LMO7: variants seen among roughly 807,000 people sequenced by gnomAD.
LMO7 encodes the protein LIM domain 7, also known as LIM domain only protein 7.
In LMO7, 120 loss-of-function variants were observed where a neutral mutation model predicts 206.5. That is an observed-to-expected ratio of 0.58 (90% CI 0.50 to 0.68). LMO7 has a LOEUF of 0.68. Ranked by LOEUF, LMO7 falls within the 30% of genes least tolerant of loss-of-function variation. The pLI is 0.00. For synonymous variants in LMO7, 706 were observed against 681.5 expected, an observed-to-expected ratio of 1.04 and a Z score of -0.56; for missense variants, 1,959 against 1,957.9, an observed-to-expected ratio of 1.00 and a Z score of -0.01.
intron 3 of LMO7, among the ~76,000 whole-genome samples, chr13:75,745,161 A>G (rs1328592599): frequency 6.6e-6 from 1 of 152,140 alleles, no homozygotes; most frequent in East Asian, 1.9e-4. Flanking sequence ...AGGTTTCCAG[A>G]CAGAGGAACA....
chr13:75,661,525 A>G (rs758165363), intron 1 of LMO7, among the ~76,000 whole-genome samples: 4 of 150,954 alleles, frequency 2.6e-5, no homozygotes, highest in Non-Finnish European at 5.9e-5. Flanking sequence ...CAATGAGGGA[A>G]TATGGTCAGA....
intron 3 of LMO7, among the ~76,000 whole-genome samples, chr13:75,734,312 C>T (rs558528027): frequency 6.6e-6 from 1 of 152,250 alleles, no homozygotes; most frequent in South Asian, 2.1e-4. Flanking sequence ...CAATCAAATA[C>T]AAATGATGGA....
chr13:75,807,951 A>G lies in LMO7; in HGVS notation c.1668A>G (p.Lys556=). 2.5e-6 allele frequency: 4 copies of G among 1,613,914 alleles called. No individual in the cohort carries two copies. The highest frequency in any genetic ancestry group is 2.5e-6 in the Non-Finnish European group (3 of 1,179,878). Residue 556 remains lysine, a synonymous_variant, in exon 10 of 31, where the codon AAA becomes AAG. Coordinates refer to ENST00000377534, the MANE Select transcript of LMO7 (RefSeq NM_001306080.2). The part of the protein sequence containing the change: ...PWTLPPEIQA[K]FLCVLERTCP... The stretch of plus-strand genomic sequence containing the variant: ...CTCTTCCTCCAGAAATTCAAGCAAA[A>G]TTTCTCTGTGTACTTGAAAGGACAT...
chr13:75,656,612 A>G (rs927772515), intron 1 of LMO7, among the ~76,000 whole-genome samples: 7 of 152,266 alleles, frequency 4.6e-5, no homozygotes, highest in African/African-American at 1.7e-4. Context: ...CTGGGGTGCC[A>G]TGTTTAGCTT....
intron 24 of LMO7, 61 bp downstream of exon 24, chr13:75,842,044 C>A: frequency 1.6e-6 from 2 of 1,238,956 alleles, no homozygotes; most frequent in Non-Finnish European, 2.3e-6. Context: ...ACTTCAAAGG[C>A]ACCCGCTTGC....
intron 1 of LMO7, among the ~76,000 whole-genome samples, chr13:75,658,915 T>C (rs2038312390): frequency 6.6e-6 from 1 of 152,156 alleles, no homozygotes; most frequent in African/African-American, 2.4e-5. Context: ...AATTGGTTAG[T>C]GTAGAAAAAT....
chr13:75,695,392 C>T (rs546280756), intron 1 of LMO7, among the ~76,000 whole-genome samples: 2 of 152,366 alleles, frequency 1.3e-5, no homozygotes, highest in East Asian at 1.9e-4. Context: ...GACGGAGTCT[C>T]GCTCTGTCGC....
At chr13:75,738,735 A>G (rs1856098707) in intron 3 of LMO7, among the ~76,000 whole-genome samples, 1 of 152,174 alleles carries the variant, frequency 6.6e-6, no homozygotes, top group South Asian at 2.1e-4. Flanking sequence ...TCAAAACAAA[A>G]CCTTGAAAAA....
chr13:75,725,094 C>T (rs1032696650), intron 2 of LMO7, among the ~76,000 whole-genome samples: 1 of 152,112 alleles, frequency 6.6e-6, no homozygotes, highest in African/African-American at 2.4e-5. Context: ...TCTCTTACTT[C>T]CCTTGGCTGA....
At chr13:75,636,255 C>T, upstream of LMO7, 1 of 627,776 alleles carries the variant, frequency 1.6e-6, no homozygotes, top group Non-Finnish European at 1.8e-6. Flanking sequence ...CGGCGGGCCC[C>T]GGGAGGGCGG....
At chr13:75,623,411 T>G (rs2033593362) in intron 2 of LMO7, 1 of 699,180 alleles carries the variant, frequency 1.4e-6, no homozygotes, top group Non-Finnish European at 2.6e-6. Context: ...TTGCCCAGGG[T>G]GGAGTGCAGT....
chr13:75,715,118 C>G (rs918653003), intron 2 of LMO7, among the ~76,000 whole-genome samples: 5 of 152,122 alleles, frequency 3.3e-5, no homozygotes, highest in Non-Finnish European at 4.4e-5. Context: ...GGCATTGACC[C>G]CATAAATAGA....
chr13:75,711,117 G>A (rs183253534), intron 1 of LMO7, among the ~76,000 whole-genome samples: 14 of 152,326 alleles, frequency 9.2e-5, no homozygotes, highest in African/African-American at 2.4e-4. Flanking sequence ...ATTTGCATAT[G>A]TTGAACCAGC....
In LMO7 at chr13:75,713,213, A is replaced by G. The variant is rs750611685; in HGVS notation, c.101A>G (p.Asp34Gly). The change falls in exon 2 of 31, where the codon GAT becomes GGT. Residue 34 changes from aspartate (D) to glycine (G), a missense_variant. Coordinates refer to ENST00000377534, the MANE Select transcript of LMO7 (RefSeq NM_001306080.2). ...AVTEKNFETK[D>G]FRASLENGVL... ...ACAGAGAAGAATTTTGAAACAAAAGATTTTCGAGCCTCTCTAGAAAATGGT... is the reference window on the plus strand; with the variant it reads ...ACAGAGAAGAATTTTGAAACAAAAGGTTTTCGAGCCTCTCTAGAAAATGGT... 3.1e-6 allele frequency: 5 copies of G among 1,596,830 alleles called. No homozygotes were observed. In the Admixed American group the frequency reaches 8.9e-5, roughly 28 times the overall value.
rs751118448 is a variant in LMO7, at chr13:75,727,070, A to G, written c.182A>G (p.Asn61Ser). 9.4e-6 allele frequency: 15 copies of G among 1,590,258 alleles called. No homozygotes were observed. The highest frequency in any genetic ancestry group is 1.1e-5 in the Non-Finnish European group (13 of 1,159,328). The change falls in exon 3 of 31, where the codon AAT becomes AGT. Residue 61 changes from asparagine (N) to serine (S), a missense_variant. Transcript: ENST00000377534. ...KLKPGVIKKI[N>S]RLSTPIAGLD... Reference sequence around the variant, plus strand: ...AAACCTGGCGTCATTAAGAAGATCAATAGACTGTCTACACCAATAGCAGGA... The same window carrying G: ...AAACCTGGCGTCATTAAGAAGATCAGTAGACTGTCTACACCAATAGCAGGA...
chr13:75,751,503 C>A (rs2047271450), intron 3 of LMO7, among the ~76,000 whole-genome samples: 1 of 152,016 alleles, frequency 6.6e-6, no homozygotes, highest in Admixed American at 6.5e-5. Flanking sequence ...AGGCAAGAAC[C>A]CTTTCTGGGA....
chr13:75,693,858 C>T (rs1333416887), intron 1 of LMO7, among the ~76,000 whole-genome samples: 2 of 152,266 alleles, frequency 1.3e-5, no homozygotes, highest in East Asian at 3.9e-4. Context: ...TGTTGGGCAG[C>T]TCCCCCATCT....
At chr13:75,751,330 A>C (rs2047259586) in intron 3 of LMO7, among the ~76,000 whole-genome samples, 1 of 151,300 alleles carries the variant, frequency 6.6e-6, no homozygotes, top group South Asian at 2.1e-4. Context: ...CTGGCTAATT[A>C]TTTGTATTTT....
At chr13:75,694,914 G>A (rs182985577) in intron 1 of LMO7, among the ~76,000 whole-genome samples, 2 of 152,242 alleles carry the variant, frequency 1.3e-5, no homozygotes, top group East Asian at 3.9e-4. Context: ...AGGGAGAATC[G>A]AAGGAGGGAG....
Sources: gnomAD v4.1 joint callset for allele counts (sites outside exome capture counted in the v4.1 genomes callset) on GRCh38, gnomAD v4.1.1 for gene constraint, MANE v1.5 for transcripts, NCBI Gene and HGNC (gene_info 2026-07-23, HGNC 2026-07-21) for gene names.